The following CDC14B variants were observed in gnomAD, a reference collection of about 807,000 sequenced individuals.
The protein encoded by CDC14B is dual specificity protein phosphatase CDC14B.
In CDC14B, 22 loss-of-function variants were observed where a neutral mutation model predicts 64.2. The observed-to-expected ratio is 0.34, with a 90% CI of 0.24 to 0.49. CDC14B has a LOEUF of 0.49. Ranked by LOEUF, CDC14B falls within the 20% of genes least tolerant of loss-of-function variation. The pLI is 0.99. For missense variants in CDC14B, 498 were observed against 629.9 expected (o/e 0.79, Z 2.24); for synonymous variants, 191 against 215.8 (o/e 0.89, Z 1.01).
chr9:96,609,392 CA>C (rs1283630862), intron 1 of CDC14B, among the ~76,000 whole-genome samples: 11 of 152,318 alleles, frequency 7.2e-5, no homozygotes, highest in Admixed American at 2.0e-4. Flanking sequence ...TACCTGTCTT[CA>C]TTCAGATGAT....
chr9:96,583,370 T>TTTTTTA (rs1554775481), intron 1 of CDC14B, among the ~76,000 whole-genome samples: 199 of 139,088 alleles, frequency 1.4e-3, no homozygotes, highest in Middle Eastern at 0.011. Context: ...GTTGTATTTA[T>TTTTTTA]TTATTATTAT....
At chr9:96,588,914 T>C (rs1050283837) in intron 1 of CDC14B, among the ~76,000 whole-genome samples, 1 of 152,238 alleles carries the variant, frequency 6.6e-6, no homozygotes, top group African/African-American at 2.4e-5. Flanking sequence ...GTTTAGCTTG[T>C]AACTATGAAG....
At position 96,533,929 on chromosome 9, in the gene CDC14B, T is replaced by C; in HGVS notation, c.944A>G (p.Lys315Arg). Residue 315 changes from lysine (K) to arginine (R), a missense_variant and splice_region_variant, in exon 9 of 14, where the codon AAA becomes AGA. Transcript: ENST00000375241. ...NAEGAIAVHC[K>R]AGLGRTGTLI... ...TTTAACCACCCCTAGAAACATACCT[T>C]TGCAATGTACTGCAATGGCACCCTC... is the stretch of plus-strand genomic sequence containing the variant. 1 of 1,603,332 alleles carries C rather than the reference T, an allele frequency of 6.2e-7. No individual in the cohort carries two copies. The highest frequency in any genetic ancestry group is 8.5e-7 in the Non-Finnish European group (1 of 1,172,424).
In CDC14B at chr9:96,503,693, A is replaced by C; in HGVS notation, c.*60T>G. 6.9e-7 allele frequency: 1 copy of C among 1,452,216 alleles called. No homozygotes were observed. The highest frequency in any genetic ancestry group is 9.6e-7 in the Non-Finnish European group (1 of 1,045,064). 90.0% of individuals were successfully genotyped at this position (1,452,216 alleles called of 1,614,324 possible). On this transcript the variant is annotated 3_prime_UTR_variant, in exon 14 of 14. Transcript: ENST00000375241. ...TTTTGTTTTGTTTTCAAATTGTGCT[A>C]ATTTCTGTTGCAGTTTTCAGTCCTA...
rs1210146348 is a variant in CDC14B, at chr9:96,614,426, G to A, written c.160+4793C>T. On this transcript the variant is annotated intron_variant, in intron 1 of 13. Transcript: ENST00000375241. ...TTGAACTCCTGGGCTCAAGCGATCT[G>A]CCCGCCTTGGCCTCCCAAAGTGCTG... Among the ~76,000 whole-genome samples, 13 of 152,078 alleles carry A rather than the reference G, an allele frequency of 8.5e-5. No homozygotes were observed. In the East Asian group the frequency reaches 2.3e-3, roughly 27 times the overall value.
intron 13 of CDC14B, among the ~76,000 whole-genome samples, chr9:96,505,498 G>T (rs1834000296): frequency 6.6e-6 from 1 of 152,212 alleles, no homozygotes; most frequent in African/African-American, 2.4e-5. Context: ...AGCAAATGAG[G>T]TGGCTGCAGG....
In CDC14B at chr9:96,512,045, C is replaced by A. The variant is rs143744633; in HGVS notation, c.1344-2256G>T. Among the ~76,000 whole-genome samples, 173 of 151,942 alleles carry A rather than the reference C, an allele frequency of 1.1e-3. 1 individual carries two copies. The highest frequency in any genetic ancestry group is 4.0e-3 in the African/African-American group (165 of 41,442). ...CAAATTCTAAAATATAGTGAGACAT[C>A]CTCTCTATAAAATAATAATAATAAT... On this transcript the variant is annotated intron_variant, in intron 12 of 13. Coordinates refer to ENST00000375241, the MANE Select transcript of CDC14B (RefSeq NM_033331.4).
Position 96,568,540 on chromosome 9 carries a change from G to A in CDC14B, c.161-3057C>T, listed in dbSNP as rs992848077. Among the ~76,000 whole-genome samples, 7 of 152,310 alleles carry A rather than the reference G, an allele frequency of 4.6e-5. No homozygotes were observed. The South Asian group carries it at 6.2e-4, about 14-fold the overall frequency. ...CGGGAGGTTGAGAGCACTCACATCC[G>A]TCACCTGTGGGTGGGAATATAAACT... On this transcript the variant is annotated intron_variant, in intron 1 of 13. Coordinates refer to ENST00000375241, the MANE Select transcript of CDC14B (RefSeq NM_033331.4).
chr9:96,610,100 C>A (rs961628602), intron 1 of CDC14B, among the ~76,000 whole-genome samples: 1 of 136,722 alleles, frequency 7.3e-6, no homozygotes, highest in Non-Finnish European at 1.5e-5. Flanking sequence ...TATATAGATA[C>A]ACACACACAC....
chr9:96,499,969 T>A (rs947724010), downstream of CDC14B: 26 of 152,670 alleles, frequency 1.7e-4, no homozygotes, highest in African/African-American at 6.0e-4. Flanking sequence ...TGAACTTCTG[T>A]GTCAGCCACC....
At chr9:96,594,045 T>C (rs1399670172) in intron 1 of CDC14B, among the ~76,000 whole-genome samples, 1 of 152,186 alleles carries the variant, frequency 6.6e-6, no homozygotes. Context: ...AGGAACCAGA[T>C]TTACTATTCC....
intron 1 of CDC14B, among the ~76,000 whole-genome samples, chr9:96,576,775 CA>C (rs1321606746): frequency 6.6e-6 from 1 of 151,336 alleles, no homozygotes; most frequent in Non-Finnish European, 1.5e-5. Flanking sequence ...AAACACACTT[CA>C]AAAAAATGAA....
rs1040031190 is a variant in CDC14B, at chr9:96,502,587, G to A, written c.*1166C>T. ...TGAGTACTATATATTCTTTTATTTCGGGCCCCATTTTTTTTTTTTTTTTTA... is the reference window on the plus strand; with the variant it reads ...TGAGTACTATATATTCTTTTATTTCAGGCCCCATTTTTTTTTTTTTTTTTA... On this transcript the variant is annotated 3_prime_UTR_variant, in exon 14 of 14. Coordinates refer to ENST00000375241, the MANE Select transcript of CDC14B (RefSeq NM_033331.4). The A allele has an allele frequency of 1.1e-4, 27 of 239,404 alleles. No homozygotes were observed. Among genetic ancestry groups the A allele is most frequent in the East Asian group, 3.9e-4 (7 of 17,830 alleles). The allele number at this position is 239,404 out of a possible 1,614,324, so 14.8% of individuals were successfully genotyped here. A position where few individuals can be genotyped will look rare whatever the true frequency, so the allele number is the denominator to read the frequency against.
chr9:96,541,743 G>T (rs939869596), intron 6 of CDC14B, 83 bp downstream of exon 6: 5 of 903,590 alleles, frequency 5.5e-6, no homozygotes, highest in Non-Finnish European at 8.2e-6. Flanking sequence ...CTAACAAAAA[G>T]ATCTCGGGAA....
intron 1 of CDC14B, chr9:96,566,873 G>C (rs1175618960): frequency 1.9e-6 from 3 of 1,572,148 alleles, no homozygotes; most frequent in Non-Finnish European, 2.6e-6. Flanking sequence ...CGCCGAGAGG[G>C]GAGGCGCCGC....
chr9:96,561,224 T>C (rs954449416), intron 4 of CDC14B, among the ~76,000 whole-genome samples: 1 of 152,194 alleles, frequency 6.6e-6, no homozygotes, highest in African/African-American at 2.4e-5. Context: ...TCAACTTTTG[T>C]GAGCATAAAT....
chr9:96,523,709 C>T lies in CDC14B; in HGVS notation c.963G>A (p.Thr321=), dbSNP rs367899199. The change falls in exon 10 of 14, where the codon ACG becomes ACA. Residue 321 remains threonine (T), a synonymous_variant. Coordinates refer to ENST00000375241, the MANE Select transcript of CDC14B (RefSeq NM_033331.4). ...TGATGTAGCAGGCTATCAGAGTGCCCGTGCGACCAAGGCCAGCTAGGAAAA... is the reference window on the plus strand; with the variant it reads ...TGATGTAGCAGGCTATCAGAGTGCCTGTGCGACCAAGGCCAGCTAGGAAAA... ...AVHCKAGLGR[T]GTLIACYIMK... The T allele has an allele frequency of 4.0e-5, 65 of 1,613,078 alleles. No individual in the cohort carries two copies. The highest frequency in any genetic ancestry group is 8.0e-5 in the African/African-American group (6 of 74,862).
intron 4 of CDC14B, among the ~76,000 whole-genome samples, chr9:96,555,736 G>A (rs1327736767): frequency 1.3e-5 from 2 of 152,130 alleles, no homozygotes; most frequent in Non-Finnish European, 2.9e-5. Flanking sequence ...ACAAACACAC[G>A]CAAATACTGT....
chr9:96,603,045 C>T (rs1846608585), intron 1 of CDC14B, among the ~76,000 whole-genome samples: 1 of 151,920 alleles, frequency 6.6e-6, no homozygotes, highest in South Asian at 2.1e-4. Context: ...TAAGATCTTC[C>T]ATCTCCCTTT....
Sources: allele counts gnomAD v4.1 joint callset (sites outside exome capture counted in the v4.1 genomes callset), GRCh38; gene constraint gnomAD v4.1.1; transcripts MANE v1.5; gene names NCBI Gene and HGNC (gene_info 2026-07-23, HGNC 2026-07-21).